The following ERBB4 variants were observed in gnomAD, a reference collection of about 807,000 sequenced individuals.
The protein encoded by ERBB4 is erb-b2 receptor tyrosine kinase 4, also known as receptor tyrosine-protein kinase erbB-4.
Under a neutral mutation model 158.0 loss-of-function variants are expected in ERBB4, and 42 were observed. The observed-to-expected ratio is 0.27, with a 90% CI of 0.21 to 0.34. The LOEUF is 0.34. Among genes scored for constraint, ERBB4 ranks in the 10% least tolerant of loss-of-function variants. The pLI, the probability that ERBB4 is intolerant of heterozygous loss-of-function variation, is 1.00. For synonymous variants in ERBB4, 583 were observed against 558.7 expected (o/e 1.04, Z -0.61); for missense variants, 1,333 against 1,624.1 (o/e 0.82, Z 3.08).
At chr2:212,525,433 T>A (rs996383568) in intron 1 of ERBB4, among the ~76,000 whole-genome samples, 2 of 151,938 alleles carry the variant, frequency 1.3e-5, no homozygotes, top group African/African-American at 4.8e-5. Context: ...TGAATGAGAA[T>A]TATTCTCTAC....
Position 211,440,330 on chromosome 2 carries a change from T to C in ERBB4, c.2488-9230A>G, listed in dbSNP as rs560121944. 5.4e-3 allele frequency among the ~76,000 whole-genome samples: 826 copies of C among 152,266 alleles called. 3 individuals carry two copies. The highest frequency in any genetic ancestry group is 0.017 in the Middle Eastern group (5 of 294). On this transcript the variant is annotated intron_variant, in intron 20 of 27. Transcript: ENST00000342788. ...ATGTGCTTTCCAATGAGAATGGAGA[T>C]GTCTGTGGGCTGTAGCAGTTATCCT...
intron 1 of ERBB4, among the ~76,000 whole-genome samples, chr2:212,242,700 A>C (rs922611853): frequency 1.3e-5 from 2 of 152,208 alleles, no homozygotes; most frequent in Non-Finnish European, 2.9e-5. Context: ...TGAATTCTCA[A>C]ATTTGTATTA....
intron 1 of ERBB4, among the ~76,000 whole-genome samples, chr2:212,219,226 A>G (rs1473526529): frequency 2.0e-5 from 3 of 151,398 alleles, no homozygotes; most frequent in African/African-American, 4.8e-5. Flanking sequence ...AACTAAAACC[A>G]TTTCTTATTT....
chr2:212,190,352 G>A lies in ERBB4; in HGVS notation c.83-65449C>T, dbSNP rs533520217. ...GAGATCCAGACCATCCTGGCTAACA[G>A]GGTGAAACCCCGTCTCTACTGAAAA... On this transcript the variant is annotated intron_variant, in intron 1 of 27. Transcript: ENST00000342788. 5.3e-5 allele frequency among the ~76,000 whole-genome samples: 8 copies of A among 152,136 alleles called. No homozygotes were observed. The South Asian group carries it at 1.7e-3, about 32-fold the overall frequency.
intron 1 of ERBB4, among the ~76,000 whole-genome samples, chr2:212,536,088 A>C (rs1403296918): frequency 6.6e-6 from 1 of 152,150 alleles, no homozygotes; most frequent in Non-Finnish European, 1.5e-5. Flanking sequence ...ACTTATCCGC[A>C]CTTAATTTCT....
intron 1 of ERBB4, among the ~76,000 whole-genome samples, chr2:212,165,642 G>A (rs1042900355): frequency 7.9e-5 from 12 of 151,578 alleles, no homozygotes; most frequent in African/African-American, 2.4e-4. Flanking sequence ...CATCCTTCCC[G>A]CATCTTTATA....
At chr2:212,531,949 ATAAAT>A (rs1163505228) in intron 1 of ERBB4, among the ~76,000 whole-genome samples, 1 of 152,178 alleles carries the variant, frequency 6.6e-6, no homozygotes, top group African/African-American at 2.4e-5. Context: ...CTCTCCAAAT[ATAAAT>A]TAAAGATGAT....
At chr2:211,425,519 A>G (rs1359504889) in intron 22 of ERBB4, among the ~76,000 whole-genome samples, 1 of 152,020 alleles carries the variant, frequency 6.6e-6, no homozygotes, top group African/African-American at 2.4e-5. Context: ...AATTTTGTAT[A>G]TTAAGGAGAA....
At chr2:212,366,761 A>G (rs1482121106) in intron 1 of ERBB4, among the ~76,000 whole-genome samples, 28 of 152,066 alleles carry the variant, frequency 1.8e-4, no homozygotes. Flanking sequence ...GATTAAATGA[A>G]TTTATAAAGC....
intron 25 of ERBB4, among the ~76,000 whole-genome samples, chr2:211,394,284 A>G (rs1467869788): frequency 2.0e-5 from 3 of 152,186 alleles, no homozygotes; most frequent in Non-Finnish European, 4.4e-5. Context: ...ATTCAAGATA[A>G]GCAACAAGAA....
chr2:211,485,211 T>A (rs1249414408), intron 20 of ERBB4, among the ~76,000 whole-genome samples: 1 of 151,722 alleles, frequency 6.6e-6, no homozygotes, highest in Non-Finnish European at 1.5e-5. Flanking sequence ...GTTTTACAAA[T>A]CTTGATTGAC....
Position 211,376,224 on chromosome 2 carries a change from A to G in ERBB4, c.*7391T>C, listed in dbSNP as rs771824322. The G allele has an allele frequency of 1.7e-5, 4 of 233,062 alleles. No individual in the cohort carries two copies. Among genetic ancestry groups the G allele is most frequent in the Non-Finnish European group, 3.4e-5 (4 of 117,758 alleles). The allele number at this position is 233,062 out of a possible 1,614,324, so 14.4% of individuals were successfully genotyped here. ...ACAATAGTGCTGAACACAGAATCAC[A>G]AGTAATGTCAAAATGATAACTTCCA... is the stretch of plus-strand genomic sequence containing the variant. On this transcript the variant is annotated 3_prime_UTR_variant, in exon 28 of 28. Coordinates refer to ENST00000342788, the MANE Select transcript of ERBB4 (RefSeq NM_005235.3).
intron 1 of ERBB4, among the ~76,000 whole-genome samples, chr2:212,429,421 A>G (rs1161546596): frequency 1.3e-5 from 2 of 152,188 alleles, no homozygotes; most frequent in Non-Finnish European, 2.9e-5. Flanking sequence ...GACACAGTGG[A>G]GCTTTCTGTC....
At chr2:212,228,919 T>A (rs1009348140) in intron 1 of ERBB4, among the ~76,000 whole-genome samples, 1 of 152,196 alleles carries the variant, frequency 6.6e-6, no homozygotes, top group African/African-American at 2.4e-5. Context: ...AATTTATGTA[T>A]ATGTGAAGTA....
intron 20 of ERBB4, among the ~76,000 whole-genome samples, chr2:211,536,196 A>G (rs949066257): frequency 3.3e-5 from 5 of 152,126 alleles, no homozygotes; most frequent in Non-Finnish European, 7.4e-5. Flanking sequence ...CGATAATTAA[A>G]AATTTTTCAG....
intron 20 of ERBB4, among the ~76,000 whole-genome samples, chr2:211,464,957 C>A (rs914841259): frequency 2.9e-5 from 4 of 136,314 alleles, no homozygotes; most frequent in Admixed American, 2.5e-4. Flanking sequence ...CCCACTGGAG[C>A]TTACCTTGTT....
chr2:211,720,885 T>A (rs1467970604), intron 7 of ERBB4, among the ~76,000 whole-genome samples: 1 of 152,182 alleles, frequency 6.6e-6, no homozygotes, highest in Non-Finnish European at 1.5e-5. Flanking sequence ...ACATAAATGT[T>A]TCCTCTTATT....
chr2:212,048,348 T>C (rs2077310811), intron 2 of ERBB4, among the ~76,000 whole-genome samples: 1 of 152,154 alleles, frequency 6.6e-6, no homozygotes, highest in Non-Finnish European at 1.5e-5. Flanking sequence ...CTAGCAGTAG[T>C]GTAAAGTAAG....
At chr2:212,343,991 A>G (rs2106325582) in intron 1 of ERBB4, among the ~76,000 whole-genome samples, 1 of 152,294 alleles carries the variant, frequency 6.6e-6, no homozygotes, top group South Asian at 2.1e-4. Context: ...CTTAAAAGCA[A>G]ACCCTGCATA....
Sources: allele counts gnomAD v4.1 joint callset (sites outside exome capture counted in the v4.1 genomes callset), GRCh38; gene constraint gnomAD v4.1.1; transcripts MANE v1.5; gene names NCBI Gene and HGNC (gene_info 2026-07-23, HGNC 2026-07-21).